The following GALNT1 variants were observed in gnomAD, a reference collection of about 807,000 sequenced individuals.
GALNT1 encodes polypeptide N-acetylgalactosaminyltransferase 1, also known as GalNAc transferase 1.
In GALNT1, 17 loss-of-function variants were observed where a neutral mutation model predicts 65.7. The observed-to-expected ratio is 0.26, with a 90% CI of 0.18 to 0.39. The LOEUF (loss-of-function observed/expected upper bound fraction) is 0.39, where lower values mean the gene tolerates loss of function less well. Among genes scored for constraint, GALNT1 ranks in the 10% least tolerant of loss-of-function variants. The pLI is 1.00. For synonymous variants in GALNT1, 210 were observed against 219.7 expected, an observed-to-expected ratio of 0.96 and a Z score of 0.39; for missense variants, 460 against 672.8, an observed-to-expected ratio of 0.68 and a Z score of 3.50.
rs574570961 is a variant in GALNT1, at chr18:35,692,393, T to G, written c.1299+73T>G. The G allele has an allele frequency of 3.6e-5, 35 of 960,380 alleles. No individual in the cohort carries two copies. The Admixed American group carries it at 1.1e-3, about 31-fold the overall frequency. The allele number at this position is 960,380 out of a possible 1,614,324, so 59.5% of individuals were successfully genotyped here. ...TTTTTTATTAAAAAAAAATAGGAGT[T>G]AGTTAAACTTCCAATAAGGAAAGTA... is the stretch of plus-strand genomic sequence containing the variant. On this transcript the variant is annotated intron_variant, in intron 9 of 11. Transcript: ENST00000269195.
At chr18:35,616,836 A>G (rs1259978084) in intron 1 of GALNT1, among the ~76,000 whole-genome samples, 3 of 151,992 alleles carry the variant, frequency 2.0e-5, no homozygotes, top group African/African-American at 4.8e-5. Flanking sequence ...GTCCTCTAGT[A>G]TGGTCCACCC....
chr18:35,612,713 A>G (rs758035774), intron 1 of GALNT1, among the ~76,000 whole-genome samples: 3 of 152,134 alleles, frequency 2.0e-5, no homozygotes, highest in Non-Finnish European at 4.4e-5. Context: ...AAAATACAAA[A>G]AATTAGCTGG....
chr18:35,702,986 G>A lies in GALNT1; in HGVS notation c.1389G>A (p.Gly463=), dbSNP rs140594675. 1.4e-5 allele frequency: 22 copies of A among 1,595,738 alleles called. No individual in the cohort carries two copies. In the African/African-American group the frequency reaches 2.3e-4, roughly 17 times the overall value. Residue 463 remains glycine (G), a synonymous_variant, in exon 10 of 12, where the codon GGG becomes GGA. Coordinates refer to ENST00000269195, the MANE Select transcript of GALNT1 (RefSeq NM_020474.4). The part of the protein sequence containing the change: ...KVGIFNCHGM[G]GNQVFSYTAN... ...GAATTTTTAATTGCCATGGTATGGG[G>A]GGTAATCAGGTGAGTATCTTAGAAA...
At chr18:35,689,109 A>T in intron 6 of GALNT1, 64 bp from the exon 7 acceptor site, 1 of 1,098,972 alleles carries the variant, frequency 9.1e-7, no homozygotes, top group Non-Finnish European at 1.4e-6. Flanking sequence ...AACAGCTTTT[A>T]AAAACAAAAA....
intron 9 of GALNT1, among the ~76,000 whole-genome samples, chr18:35,694,048 G>A (rs779562808): frequency 2.6e-5 from 4 of 152,144 alleles, no homozygotes; most frequent in Non-Finnish European, 5.9e-5. Context: ...CAGCTGTATC[G>A]AATACTGCAG....
intron 1 of GALNT1, among the ~76,000 whole-genome samples, 174 bp downstream of exon 1, chr18:35,582,036 G>C (rs2046328390): frequency 6.6e-6 from 1 of 152,036 alleles, no homozygotes; most frequent in South Asian, 2.1e-4. Flanking sequence ...CCCCGGTGCC[G>C]TTGGACACGC....
chr18:35,619,009 AAG>A (rs1481461889), intron 1 of GALNT1, among the ~76,000 whole-genome samples: 1 of 152,232 alleles, frequency 6.6e-6, no homozygotes, highest in Non-Finnish European at 1.5e-5. Flanking sequence ...AGAGACTAGT[AAG>A]AGAGAAACCA....
intron 9 of GALNT1, 71 bp from the exon 10 acceptor site, chr18:35,702,825 AT>A: frequency 1.0e-6 from 1 of 978,324 alleles, no homozygotes; most frequent in Non-Finnish European, 1.6e-6. Context: ...TATTTAGTGT[AT>A]ATGTGTGTGT....
At chr18:35,616,997 G>A (rs2046791355) in intron 1 of GALNT1, among the ~76,000 whole-genome samples, 1 of 152,092 alleles carries the variant, frequency 6.6e-6, no homozygotes, top group Non-Finnish European at 1.5e-5. Context: ...GCCAGAGTGA[G>A]GTGTGGTATG....
intron 1 of GALNT1, among the ~76,000 whole-genome samples, chr18:35,599,008 T>TC (rs1241699548): frequency 2.0e-5 from 3 of 148,518 alleles, no homozygotes; most frequent in Non-Finnish European, 1.5e-5. Flanking sequence ...TTTTTTTTTT[T>TC]CATGTACGTG....
rs952746156 is a variant in GALNT1, at chr18:35,598,964, T to A, written c.-104+17102T>A. 2.6e-5 allele frequency among the ~76,000 whole-genome samples: 4 copies of A among 151,844 alleles called. No individual in the cohort carries two copies. The East Asian group carries it at 7.7e-4, about 29-fold the overall frequency. On this transcript the variant is annotated intron_variant, in intron 1 of 11. Transcript: ENST00000269195. ...ATGATATCTCATTGTGGTTTTCATT[T>A]GCATTTTCCAGGTGATGTATCCAGG...
chr18:35,609,532 A>G (rs1465017965), intron 1 of GALNT1, among the ~76,000 whole-genome samples: 1 of 152,194 alleles, frequency 6.6e-6, no homozygotes, highest in Non-Finnish European at 1.5e-5. Context: ...AGGAATTGAA[A>G]GCACTGCTAT....
chr18:35,648,912 C>T (rs570790336), intron 1 of GALNT1, among the ~76,000 whole-genome samples: 170 of 152,238 alleles, frequency 1.1e-3, no homozygotes, highest in Non-Finnish European at 1.4e-3. Context: ...CCTTGGCAGC[C>T]GCTGATCTGA....
At chr18:35,640,892 A>G (rs1486739498) in intron 1 of GALNT1, among the ~76,000 whole-genome samples, 2 of 152,256 alleles carry the variant, frequency 1.3e-5, no homozygotes, top group Non-Finnish European at 2.9e-5. Context: ...CTTAAATGGG[A>G]AAAGCAAACC....
rs1444044240 is a variant in GALNT1 at position 35,691,092 on chromosome 18, G to A, written c.1059G>A (p.Thr353=). 2.5e-6 allele frequency: 4 copies of A among 1,613,202 alleles called. No individual in the cohort carries two copies. Among genetic ancestry groups the A allele is most frequent in the African/African-American group, 1.3e-5 (1 of 74,866 alleles). ...TGTTTCGGAAAGCTACACCTTACAC[G>A]TTTCCAGGAGGCACAGGGCAGATTA... The part of the protein sequence containing the change: ...GHVFRKATPY[T]FPGGTGQIIN... The change falls in exon 8 of 12, where the codon ACG becomes ACA. Residue 353 remains threonine, a synonymous_variant. Coordinates refer to ENST00000269195, the MANE Select transcript of GALNT1 (RefSeq NM_020474.4).
chr18:35,618,556 G>GGTTTT (rs2046813172), intron 1 of GALNT1, among the ~76,000 whole-genome samples: 1 of 152,066 alleles, frequency 6.6e-6, no homozygotes, highest in East Asian at 1.9e-4. Context: ...AGTGATTAGA[G>GGTTTT]GTTTTAGTAG....
intron 1 of GALNT1, among the ~76,000 whole-genome samples, chr18:35,583,397 C>T (rs1350614313): frequency 1.3e-5 from 2 of 152,206 alleles, no homozygotes; most frequent in Non-Finnish European, 2.9e-5. Context: ...TTTGGTGCCT[C>T]TTAAGCAGCA....
intron 5 of GALNT1, among the ~76,000 whole-genome samples, chr18:35,685,088 T>A (rs574532498): frequency 3.9e-5 from 6 of 152,048 alleles, no homozygotes; most frequent in African/African-American, 1.4e-4. Context: ...CGAACCAAAC[T>A]CTTTTTATGA....
chr18:35,707,805 G>A lies in GALNT1; in HGVS notation c.1534-1819G>A, dbSNP rs188562457. Among the ~76,000 whole-genome samples, 144 of 152,264 alleles carry A rather than the reference G, an allele frequency of 9.5e-4. 1 individual carries two copies. Among genetic ancestry groups the A allele is most frequent in the African/African-American group, 3.0e-3 (125 of 41,568 alleles). On this transcript the variant is annotated intron_variant, in intron 11 of 11. Transcript: ENST00000269195. The stretch of plus-strand genomic sequence containing the variant: ...TGGGATAAGCTTTGCGGGAACTCCC[G>A]GAATGTTTGAGAGGTTCTCTTGTTC...
Sources: allele counts gnomAD v4.1 joint callset (sites outside exome capture counted in the v4.1 genomes callset), GRCh38; gene constraint gnomAD v4.1.1; transcripts MANE v1.5; gene names NCBI Gene and HGNC (gene_info 2026-07-23, HGNC 2026-07-21).